Variants in SATL1 observed in about 807,000 individuals in gnomAD.
The protein encoded by SATL1 is spermidine/spermine N(1)-acetyltransferase-like protein 1.
A neutral mutation model predicts 51.8 loss-of-function variants in SATL1; 47 were observed. The observed-to-expected ratio is 0.91, with a 90% CI of 0.72 to 1.16. SATL1 has a LOEUF of 1.16. Ranked by LOEUF, SATL1 falls within the 50% of genes most tolerant of loss-of-function variation. The pLI is 0.00. For missense variants in SATL1, 520 were observed against 526.4 expected, an observed-to-expected ratio of 0.99 and a Z score of 0.12; for synonymous variants, 176 against 182.4, an observed-to-expected ratio of 0.97 and a Z score of 0.28.
intron 1 of SATL1, 137 bp downstream of exon 1, chrX:85,243,451 C>CT (rs1209797177): frequency 1.8e-5 from 2 of 111,884 alleles, no homozygotes; most frequent in East Asian, 5.7e-4. Context: ...CCTTGTTCAC[C>CT]TTTTCCTTTC....
In SATL1 at chrX:85,228,745, T is replaced by A. The variant is rs1928324097; in HGVS notation, c.-434-4419A>T. ...ATACTCTCCTAGTTTTCCTCCTGCCTTGTTGTTCTCTTCTTCTCAGTGTTA... is the reference window on the plus strand; with the variant it reads ...ATACTCTCCTAGTTTTCCTCCTGCCATGTTGTTCTCTTCTTCTCAGTGTTA... On this transcript the variant is annotated intron_variant, in intron 1 of 7. Coordinates refer to ENST00000644105, the MANE Select transcript of SATL1 (RefSeq NM_001367857.2). 2.7e-5 allele frequency among the ~76,000 whole-genome samples: 3 copies of A among 111,807 alleles called. No individual in the cohort carries two copies. In the South Asian group the frequency reaches 1.1e-3, roughly 42 times the overall value.
chrX:85,181,097 ATGTG>A (rs56714701), intron 2 of SATL1, among the ~76,000 whole-genome samples: 3 of 102,667 alleles, frequency 2.9e-5, no homozygotes, highest in East Asian at 3.0e-4. Context: ...GCTGAATGTA[ATGTG>A]TGTGTGTGTG....
chrX:85,131,751 C>T (rs773777145), intron 2 of SATL1, among the ~76,000 whole-genome samples: 1 of 111,788 alleles, frequency 8.9e-6, no homozygotes, highest in South Asian at 3.8e-4. Flanking sequence ...CATCAATGGT[C>T]TTTACAATTT....
At chrX:85,151,938 A>C (rs1186250735) in intron 2 of SATL1, among the ~76,000 whole-genome samples, 1 of 110,617 alleles carries the variant, frequency 9.0e-6, no homozygotes, top group Non-Finnish European at 1.9e-5. Flanking sequence ...ACCAAAAACA[A>C]TGGCAACAAA....
chrX:85,187,734 G>A (rs755502904), intron 2 of SATL1, among the ~76,000 whole-genome samples: 2 of 111,303 alleles, frequency 1.8e-5, no homozygotes, highest in South Asian at 7.5e-4. Flanking sequence ...ATTTTCTTGA[G>A]GACTTTTGCA....
chrX:85,126,567 C>G (rs1403414158), intron 2 of SATL1, among the ~76,000 whole-genome samples: 1 of 111,277 alleles, frequency 9.0e-6, no homozygotes, highest in East Asian at 2.8e-4. Flanking sequence ...GAGACAATCT[C>G]TAGCTACTCT....
At chrX:85,098,126 AATG>A (rs1924786595) in intron 4 of SATL1, among the ~76,000 whole-genome samples, 1 of 112,024 alleles carries the variant, frequency 8.9e-6, no homozygotes, top group Admixed American at 9.5e-5. Context: ...TTGAAAATGA[AATG>A]ATGGAAAAAG....
chrX:85,200,896 T>C (rs753796233), intron 2 of SATL1, among the ~76,000 whole-genome samples: 1 of 111,000 alleles, frequency 9.0e-6, no homozygotes, highest in Non-Finnish European at 1.9e-5. Flanking sequence ...ATCAGTGCTG[T>C]CCCTATAAAA....
intron 2 of SATL1, among the ~76,000 whole-genome samples, chrX:85,183,335 C>T (rs907916016): frequency 1.0e-3 from 110 of 108,727 alleles, no homozygotes; most frequent in Non-Finnish European, 1.2e-3. Flanking sequence ...AGAGACTGTC[C>T]TTTCCCCAAT....
chrX:85,157,249 T>A (rs1361340174), intron 2 of SATL1, among the ~76,000 whole-genome samples: 1 of 110,379 alleles, frequency 9.1e-6, no homozygotes, highest in Non-Finnish European at 1.9e-5. Flanking sequence ...AAAGGGTTGA[T>A]GAATCAAGGA....
intron 2 of SATL1, among the ~76,000 whole-genome samples, chrX:85,152,979 A>G (rs893361511): frequency 3.6e-5 from 4 of 110,148 alleles, no homozygotes; most frequent in African/African-American, 1.3e-4. Context: ...ATAAAAATAA[A>G]TAAAAATAAA....
At position 85,107,426 on chromosome X, in the gene SATL1, T is replaced by C. The variant is rs1925076367; in HGVS notation, c.1543A>G (p.Ser515Gly). The change falls in exon 3 of 8, where the codon AGT (serine) becomes GGT (glycine). Residue 515 changes from serine to glycine, a missense_variant. Ser to Gly is a moderately conservative substitution (Grantham distance 56). Transcript: ENST00000644105. ...TGCCTCATGCCCATTTGGCTCACACTTGGTTGGCTCCTGCCTGGTTGACTC... is the reference window on the plus strand; with the variant it reads ...TGCCTCATGCCCATTTGGCTCACACCTGGTTGGCTCCTGCCTGGTTGACTC... ...GLSQPGRSQP[S>G]VSQMGMRQTS... 1 of 1,211,192 alleles carries C rather than the reference T, an allele frequency of 8.3e-7. No homozygotes were observed. The highest frequency in any genetic ancestry group is 2.2e-5 in the Admixed American group (1 of 45,990).
chrX:85,120,227 A>T (rs1400991707), intron 2 of SATL1, among the ~76,000 whole-genome samples: 2 of 111,256 alleles, frequency 1.8e-5, no homozygotes, highest in Non-Finnish European at 3.8e-5. Context: ...CCCCAGAGAA[A>T]TTTTTATATT....
chrX:85,129,815 C>T (rs1485685819), intron 2 of SATL1, among the ~76,000 whole-genome samples: 7 of 111,229 alleles, frequency 6.3e-5, no homozygotes, highest in South Asian at 7.6e-4. Context: ...TTTTGAGATG[C>T]GTTCCATCAG....
chrX:85,141,860 A>G (rs1926115977), intron 2 of SATL1, among the ~76,000 whole-genome samples: 1 of 108,547 alleles, frequency 9.2e-6, no homozygotes, highest in South Asian at 4.3e-4. Flanking sequence ...TTTCTTACTA[A>G]AAACTCAAAT....
At chrX:85,223,881 T>TTC (rs1326049285) in intron 2 of SATL1, among the ~76,000 whole-genome samples, 1 of 110,923 alleles carries the variant, frequency 9.0e-6, no homozygotes, top group Non-Finnish European at 1.9e-5. Flanking sequence ...AGTAATGGAC[T>TTC]AGGGGAGCAG....
intron 1 of SATL1, among the ~76,000 whole-genome samples, chrX:85,235,569 A>G (rs2147767594): frequency 8.9e-6 from 1 of 111,742 alleles, no homozygotes; most frequent in African/African-American, 3.2e-5. Flanking sequence ...GAAATGAAAC[A>G]ACATGCTTCT....
intron 1 of SATL1, among the ~76,000 whole-genome samples, chrX:85,232,791 T>C (rs751105445): frequency 1.8e-5 from 2 of 111,735 alleles, no homozygotes; most frequent in East Asian, 5.7e-4. Context: ...GAGCACCAGG[T>C]ACATTTCTAA....
intron 2 of SATL1, among the ~76,000 whole-genome samples, chrX:85,187,340 C>G (rs771790755): frequency 1.8e-5 from 2 of 111,410 alleles, no homozygotes; most frequent in East Asian, 5.7e-4. Flanking sequence ...TAAAATTGCT[C>G]TGGTTAGAAC....
Sources: allele counts gnomAD v4.1 joint callset (sites outside exome capture counted in the v4.1 genomes callset), GRCh38; gene constraint gnomAD v4.1.1; transcripts MANE v1.5; gene names NCBI Gene and HGNC (gene_info 2026-07-23, HGNC 2026-07-21).